The following SYNE2 variants were observed in gnomAD, a reference collection of about 807,000 sequenced individuals.
SYNE2 encodes spectrin repeat containing nuclear envelope protein 2.
In SYNE2, 431 loss-of-function variants were observed where a neutral mutation model predicts 856.3. The observed-to-expected ratio is 0.50, with a 90% confidence interval of 0.47 to 0.55. The LOEUF is 0.55. Ranked by LOEUF, SYNE2 falls within the 20% of genes least tolerant of loss-of-function variation. SYNE2 has a pLI of 0.00. For missense variants in SYNE2, 8,129 were observed against 8,023.2 expected (o/e 1.01, Z -0.50); for synonymous variants, 2,923 against 2,872.3 (o/e 1.02, Z -0.56).
At chr14:64,122,480 C>T (rs1201834072) in intron 70 of SYNE2, 53 bp downstream of exon 70, 1 of 1,610,914 alleles carries the variant, frequency 6.2e-7, no homozygotes, top group South Asian at 1.1e-5. Flanking sequence ...GAAAATCCAA[C>T]AAGCATTCAT....
Position 64,208,918 on chromosome 14 carries a change from G to A in SYNE2, c.18362G>A (p.Cys6121Tyr), listed in dbSNP as rs759165618. The change falls in exon 101 of 116, where the codon TGT becomes TAT. Residue 6121 changes from cysteine to tyrosine, a missense_variant. By Grantham distance (194) the Cys-to-Tyr change is radical. Transcript: ENST00000555002. ...CTGGACAGACGCTGGAGGAACATTT[G>A]TGCCATGTCCATGGAGCGGCGCATG... ...RSLDRRWRNICAMSMERRMKI... is the reference protein window; with the variant it reads ...RSLDRRWRNIYAMSMERRMKI... 9.3e-6 allele frequency: 15 copies of A among 1,614,030 alleles called. No individual in the cohort carries two copies. The highest frequency in any genetic ancestry group is 1.3e-5 in the Non-Finnish European group (15 of 1,180,046).
rs34947861 is a variant in SYNE2, at chr14:63,841,832, C to CTTT, written c.-304-10653_-304-10651dup. Among the ~76,000 whole-genome samples the CTTT allele has an allele frequency of 2.8e-3, 318 of 115,042 alleles. 11 individuals carry two copies. The highest frequency in any genetic ancestry group is 0.021 in the South Asian group (76 of 3,572). The allele number at this position is 115,042 out of a possible 152,430, so 75.5% of individuals were successfully genotyped here. A position where few individuals can be genotyped will look rare whatever the true frequency, so the allele number is the denominator to read the frequency against. The stretch of plus-strand genomic sequence containing the variant: ...CATTTTTCTTTTTCTTTCTTTCTTT[C>CTTT]TTTTTTTTTTTTTTTTTTGAGACAT... On this transcript the variant is annotated intron_variant, in intron 1 of 23. Transcript: ENST00000674003.
intron 84 of SYNE2, among the ~76,000 whole-genome samples, chr14:64,150,221 C>T (rs1368952174): frequency 7.4e-6 from 1 of 135,454 alleles, no homozygotes; most frequent in South Asian, 2.4e-4. Flanking sequence ...ACTTGAATCC[C>T]GGAGGCGGAG....
chr14:63,976,569 G>A lies in SYNE2; in HGVS notation c.1135G>A (p.Ala379Thr). Residue 379 changes from alanine (A) to threonine (T), a missense_variant, in exon 12 of 116, where the codon GCA (alanine) becomes ACA (threonine). Around this residue, in one of 3 missense-constraint regions of SYNE2, gnomAD observed 2,422 missense variants for 2,357.4 expected, o/e 1.03. Coordinates refer to ENST00000555002, the MANE Select transcript of SYNE2 (RefSeq NM_182914.3). ...TTTTTTTTTTTTTTTTCAGATTAAT[G>A]CATGGAAAATAAAGCTAAATTATGC... is the stretch of plus-strand genomic sequence containing the variant. Reference protein sequence around the residue: ...AWDGLDHQINAWKIKLNYALP... With the variant: ...AWDGLDHQINTWKIKLNYALP... The A allele has an allele frequency of 2.4e-6, 3 of 1,231,832 alleles. No individual in the cohort carries two copies. Among genetic ancestry groups the A allele is most frequent in the Non-Finnish European group, 3.4e-6 (3 of 872,306 alleles). The allele number at this position is 1,231,832 out of a possible 1,614,324, so 76.3% of individuals were successfully genotyped here.
chr14:64,207,931 G>GTTCCT, intron 100 of SYNE2: 1 of 450,136 alleles, frequency 2.2e-6, no homozygotes, highest in Non-Finnish European at 4.5e-6. Context: ...GGCAAAACAG[G>GTTCCT]TTCCTTATCT....
intron 58 of SYNE2, among the ~76,000 whole-genome samples, chr14:64,089,369 G>GAAAA (rs57358817): frequency 1.6e-4 from 8 of 50,456 alleles, no homozygotes; most frequent in Non-Finnish European, 1.7e-4. Flanking sequence ...TCCGTCTCAG[G>GAAAA]AAAAAAAAAA....
At chr14:64,063,424 G>A (rs2097332814) in intron 50 of SYNE2, among the ~76,000 whole-genome samples, 1 of 152,146 alleles carries the variant, frequency 6.6e-6, no homozygotes, top group Non-Finnish European at 1.5e-5. Context: ...AATTAATCAG[G>A]TTCACAGACA....
chr14:63,841,961 T>C (rs1414492263), intron 1 of SYNE2, among the ~76,000 whole-genome samples: 1 of 150,966 alleles, frequency 6.6e-6, no homozygotes, highest in Non-Finnish European at 1.5e-5. Context: ...GCCTTCCGAG[T>C]AGCTGGGACT....
chr14:64,102,084 C>A, intron 64 of SYNE2, 42 bp downstream of exon 64: 1 of 1,381,836 alleles, frequency 7.2e-7, no homozygotes, highest in Non-Finnish European at 1.0e-6. Flanking sequence ...GTTACGAGGG[C>A]CCAGGGGGGA....
intron 1 of SYNE2, among the ~76,000 whole-genome samples, chr14:63,856,307 A>C (rs1183053765): frequency 6.6e-6 from 1 of 152,228 alleles, no homozygotes; most frequent in Non-Finnish European, 1.5e-5. Flanking sequence ...TAACTTTCTG[A>C]GATTATGCAG....
chr14:63,788,538 C>G (rs1026604591), intron 1 of SYNE2, among the ~76,000 whole-genome samples: 2 of 152,012 alleles, frequency 1.3e-5, no homozygotes, highest in African/African-American at 4.8e-5. Context: ...TACAGCCTGT[C>G]CAGGAGAGCG....
At chr14:63,765,812 G>C (rs1886659666) in intron 1 of SYNE2, among the ~76,000 whole-genome samples, 1 of 152,092 alleles carries the variant, frequency 6.6e-6, no homozygotes, top group East Asian at 1.9e-4. Flanking sequence ...GTTTCATTTT[G>C]CATCTTCAAT....
chr14:63,894,321 GTCC>G (rs2095206876), intron 1 of SYNE2, among the ~76,000 whole-genome samples: 1 of 151,478 alleles, frequency 6.6e-6, no homozygotes, highest in Non-Finnish European at 1.5e-5. Flanking sequence ...GGCTCAAACT[GTCC>G]TCCTGCCTCA....
intron 100 of SYNE2, among the ~76,000 whole-genome samples, chr14:64,203,414 A>C (rs1453984358): frequency 6.6e-6 from 1 of 152,188 alleles, no homozygotes; most frequent in Non-Finnish European, 1.5e-5. Context: ...TGCTTGGACC[A>C]ATAGTTTAGG....
intron 2 of SYNE2, among the ~76,000 whole-genome samples, chr14:63,928,382 C>T (rs1208013657): frequency 1.3e-5 from 2 of 152,206 alleles, no homozygotes; most frequent in African/African-American, 4.8e-5. Flanking sequence ...AATGGTTGCT[C>T]ACTGTGTTTA....
At chr14:63,884,562 C>T (rs2094938743) in intron 1 of SYNE2, among the ~76,000 whole-genome samples, 1 of 151,970 alleles carries the variant, frequency 6.6e-6, no homozygotes, top group African/African-American at 2.4e-5. Flanking sequence ...GTAGTGGGCA[C>T]CAAGGCCAAT....
chr14:64,042,118 A>G (rs922698466), intron 45 of SYNE2, among the ~76,000 whole-genome samples: 2 of 152,202 alleles, frequency 1.3e-5, no homozygotes, highest in South Asian at 4.1e-4. Context: ...AGTCTAACAG[A>G]TGAAAAATTC....
At chr14:64,057,198 T>A (rs1438164137) in intron 49 of SYNE2, among the ~76,000 whole-genome samples, 2 of 152,166 alleles carry the variant, frequency 1.3e-5, no homozygotes, top group African/African-American at 4.8e-5. Context: ...CACTCTGTGG[T>A]GCTATCAATA....
intron 11 of SYNE2, among the ~76,000 whole-genome samples, chr14:63,973,402 C>T (rs1273059361): frequency 1.3e-5 from 2 of 151,926 alleles, no homozygotes; most frequent in African/African-American, 4.8e-5. Context: ...GAGGCCGAGG[C>T]GGGCGGATCA....
Sources: gnomAD v4.1 joint callset for allele counts (sites outside exome capture counted in the v4.1 genomes callset) on GRCh38, gnomAD v4.1.1 for gene constraint, gnomAD v4.1.1 regional missense constraint, MANE v1.5 for transcripts, NCBI Gene and HGNC (gene_info 2026-07-23, HGNC 2026-07-21) for gene names.